The following A1CF variants were observed in gnomAD, a reference collection of about 807,000 sequenced individuals.
A1CF encodes APOBEC-1 stimulating protein.
In A1CF, 48 loss-of-function variants were observed where a neutral mutation model predicts 68.9. That is an observed-to-expected ratio of 0.70 (90% CI 0.55 to 0.89). The LOEUF is 0.89. A1CF is among the 40% of genes least tolerant of loss of function. The probability of loss-of-function intolerance (pLI) is 0.00; values close to 1 mark genes in which losing one functional copy is unlikely to be tolerated. For missense variants in A1CF, 653 were observed against 718.9 expected, an observed-to-expected ratio of 0.91 and a Z score of 1.05; for synonymous variants, 272 against 260.4, an observed-to-expected ratio of 1.04 and a Z score of -0.43.
Position 50,872,987 on chromosome 10 carries a change from G to A in A1CF, c.-93-8907C>T, listed in dbSNP as rs142091856. On this transcript the variant is annotated intron_variant, in intron 1 of 12. Coordinates refer to ENST00000373997, the MANE Select transcript of A1CF (RefSeq NM_014576.4). ...TTTTTTTTTTTTGAGACAGAATCTC[G>A]CTCTATCACCCAGGCTGGAGTGTGG... 5.7e-3 allele frequency among the ~76,000 whole-genome samples: 609 copies of A among 107,270 alleles called. 7 individuals carry two copies. Among genetic ancestry groups the A allele is most frequent in the African/African-American group, 0.02 (557 of 27,440 alleles). The allele number at this position is 107,270 out of a possible 152,430, so 70.4% of individuals were successfully genotyped here.
Position 50,817,233 on chromosome 10 carries a change from G to T in A1CF, c.868-954C>A, listed in dbSNP as rs1461001332. On this transcript the variant is annotated intron_variant, in intron 8 of 12. Transcript: ENST00000373997. ...AACAAAGTATTGTCTGAAAGCATTT[G>T]TGGCTTTGTTTTTGAATAAGAATGT... Among the ~76,000 whole-genome samples, 4 of 152,280 alleles carry T rather than the reference G, an allele frequency of 2.6e-5. No individual in the cohort carries two copies. In the East Asian group the frequency reaches 7.7e-4, roughly 29 times the overall value.
intron 6 of A1CF, among the ~76,000 whole-genome samples, chr10:50,829,280 A>G (rs1839125687): frequency 6.6e-6 from 1 of 152,078 alleles, no homozygotes; most frequent in East Asian, 1.9e-4. Flanking sequence ...CGCAGTGCAG[A>G]TCTTGTTGAA....
At chr10:50,820,800 AT>A (rs1032157623) in intron 7 of A1CF, 151 bp from the exon 8 acceptor site, 19 of 534,634 alleles carry the variant, frequency 3.6e-5, no homozygotes, top group South Asian at 1.5e-4. Context: ...TCAACAGAAG[AT>A]TTTTTTTGCA....
Position 50,802,012 on chromosome 10 carries a change from T to TGTTGGACATTTGGAG in A1CF, c.*4716_*4717insCTCCAAATGTCCAAC, listed in dbSNP as rs1837619254. The TGTTGGACATTTGGAG allele has an allele frequency of 1.3e-5, 2 of 152,182 alleles. No individual in the cohort carries two copies. Among genetic ancestry groups the TGTTGGACATTTGGAG allele is most frequent in the Admixed American group, 1.3e-4 (2 of 15,284 alleles). The allele number at this position is 152,182 out of a possible 1,614,324, so 9.4% of individuals were successfully genotyped here. ...TCTGTATAAACATTGTTGGACAACATGGCTTTAAAAATGTTGGACATTTGG... is the reference window on the plus strand; with the variant it reads ...TCTGTATAAACATTGTTGGACAACATGTTGGACATTTGGAGGGCTTTAAAAATGTTGGACATTTGG... On this transcript the variant is annotated 3_prime_UTR_variant, in exon 13 of 13. Transcript: ENST00000373997.
rs372408821 is a variant in A1CF at position 50,820,558 on chromosome 10, A to G, written c.861T>C (p.Asn287=). 1.3e-4 allele frequency: 205 copies of G among 1,612,906 alleles called. No homozygotes were observed. The highest frequency in any genetic ancestry group is 1.6e-4 in the Non-Finnish European group (192 of 1,179,590). Residue 287 remains asparagine, a synonymous_variant, in exon 8 of 13, where the codon AAT becomes AAC. Coordinates refer to ENST00000373997, the MANE Select transcript of A1CF (RefSeq NM_014576.4). Reference sequence around the variant, plus strand: ...TTTCTTTCTTCTACCTTACCTTGCCATTTAAAGCTTTCATAGCCTCAACTG... The same window carrying G: ...TTTCTTTCTTCTACCTTACCTTGCCGTTTAAAGCTTTCATAGCCTCAACTG... The part of the protein sequence containing the change: ...EDAVEAMKAL[N]GKVLDGSPIE...
chr10:50,804,167 T>C lies in A1CF; in HGVS notation c.*2562A>G, dbSNP rs1474134399. 1 of 152,194 alleles carries C rather than the reference T, an allele frequency of 6.6e-6. No homozygotes were observed. The highest frequency in any genetic ancestry group is 6.5e-5 in the Admixed American group (1 of 15,282). The allele number at this position is 152,194 out of a possible 1,614,324, so 9.4% of individuals were successfully genotyped here. On this transcript the variant is annotated 3_prime_UTR_variant, in exon 13 of 13. Transcript: ENST00000373997. Reference sequence around the variant, plus strand: ...AACCAAAACCACTTCTACCTACTTATACAAAACTGGCTCTAAAGAGGTAAA... The same window carrying C: ...AACCAAAACCACTTCTACCTACTTACACAAAACTGGCTCTAAAGAGGTAAA...
At chr10:50,848,030 AC>A (rs1277214333) in intron 3 of A1CF, among the ~76,000 whole-genome samples, 2 of 152,164 alleles carry the variant, frequency 1.3e-5, no homozygotes, top group Non-Finnish European at 2.9e-5. Flanking sequence ...ACAGCAAAAA[AC>A]AACAACTATC....
chr10:50,843,899 C>T (rs10821877), intron 4 of A1CF, 89 bp downstream of exon 4: 277,040 of 1,507,284 alleles, frequency 0.18, 27,200 homozygotes, highest in African/African-American at 0.24. Flanking sequence ...CAGCCACTGA[C>T]CAAGAAGGCT....
intron 9 of A1CF, 63 bp from the exon 10 acceptor site, chr10:50,814,101 CA>C: frequency 6.3e-7 from 1 of 1,575,276 alleles, no homozygotes; most frequent in Middle Eastern, 2.2e-4. Context: ...ATCAAACCAC[CA>C]GAAAATCACC....
chr10:50,829,632 T>C (rs911323884), intron 6 of A1CF, among the ~76,000 whole-genome samples: 9 of 152,214 alleles, frequency 5.9e-5, no homozygotes, highest in African/African-American at 2.2e-4. Flanking sequence ...GTGACCATCT[T>C]GTTCTGTGTT....
At chr10:50,816,441 C>A in intron 8 of A1CF, 162 bp from the exon 9 acceptor site, 1 of 805,858 alleles carries the variant, frequency 1.2e-6, no homozygotes, top group Non-Finnish European at 1.9e-6. Context: ...GCCAGTTGAA[C>A]TTTTTCTGAG....
intron 3 of A1CF, chr10:50,850,599 T>C: frequency 6.3e-7 from 1 of 1,577,238 alleles, no homozygotes; most frequent in Non-Finnish European, 8.7e-7. Context: ...CATTTGTGTG[T>C]GTGTGTGTGT....
At chr10:50,819,269 T>G (rs1215795188) in intron 8 of A1CF, among the ~76,000 whole-genome samples, 2 of 152,012 alleles carry the variant, frequency 1.3e-5, no homozygotes, top group African/African-American at 4.8e-5. Context: ...GGGACTACTG[T>G]AGTAGTCCAT....
intron 8 of A1CF, among the ~76,000 whole-genome samples, chr10:50,816,885 T>C (rs1838399037): frequency 6.6e-6 from 1 of 152,188 alleles, no homozygotes; most frequent in African/African-American, 2.4e-5. Context: ...TGGGAGGCTG[T>C]TGCATTGCCT....
intron 3 of A1CF, among the ~76,000 whole-genome samples, chr10:50,847,045 C>G (rs1202036000): frequency 6.6e-6 from 1 of 152,170 alleles, no homozygotes; most frequent in Non-Finnish European, 1.5e-5. Context: ...GCTAATATGT[C>G]AGGTACTATT....
intron 3 of A1CF, among the ~76,000 whole-genome samples, chr10:50,855,226 G>A (rs1265514260): frequency 6.6e-6 from 1 of 151,804 alleles, no homozygotes; most frequent in Non-Finnish European, 1.5e-5. Context: ...TCATCATAAT[G>A]TAATTTTTTT....
intron 1 of A1CF, among the ~76,000 whole-genome samples, chr10:50,884,202 C>T (rs559094143): frequency 6.6e-6 from 1 of 152,230 alleles, no homozygotes; most frequent in African/African-American, 2.4e-5. Context: ...ACCACCTTGG[C>T]ATTAGTGCAG....
intron 3 of A1CF, among the ~76,000 whole-genome samples, chr10:50,854,761 A>C (rs1365388238): frequency 6.6e-6 from 1 of 152,002 alleles, no homozygotes; most frequent in African/African-American, 2.4e-5. Flanking sequence ...GGACTAAGGA[A>C]GCAAAACAGA....
chr10:50,848,959 G>A (rs1486519033), intron 3 of A1CF, among the ~76,000 whole-genome samples: 1 of 152,142 alleles, frequency 6.6e-6, no homozygotes, highest in African/African-American at 2.4e-5. Flanking sequence ...TCTTGACTGT[G>A]TCACTTGTGT....
Sources: gnomAD v4.1 joint callset for allele counts (sites outside exome capture counted in the v4.1 genomes callset) on GRCh38, gnomAD v4.1.1 for gene constraint, MANE v1.5 for transcripts, NCBI Gene and HGNC (gene_info 2026-07-23, HGNC 2026-07-21) for gene names.